The following COX7B2 variants were observed in gnomAD, a reference collection of about 807,000 sequenced individuals.
COX7B2 encodes cytochrome c oxidase subunit 7B2.
For missense variants in COX7B2, 109 were observed against 95.9 expected (o/e 1.14, Z -0.57); for synonymous variants, 37 against 32.1 (o/e 1.15, Z -0.51).
At chr4:46,802,856 A>T (rs1188826240) in intron 2 of COX7B2, among the ~76,000 whole-genome samples, 2 of 152,154 alleles carry the variant, frequency 1.3e-5, no homozygotes, top group African/African-American at 4.8e-5. Flanking sequence ...TCATGAGGTG[A>T]AAAACATAGT....
intron 2 of COX7B2, among the ~76,000 whole-genome samples, chr4:46,758,170 G>T (rs1409538101): frequency 2.6e-5 from 4 of 151,574 alleles, no homozygotes; most frequent in Non-Finnish European, 5.9e-5. Flanking sequence ...TTATAACATT[G>T]TTCTATAAAC....
chr4:46,850,401 C>G (rs1577655263), intron 1 of COX7B2, among the ~76,000 whole-genome samples: 1 of 151,990 alleles, frequency 6.6e-6, no homozygotes, highest in South Asian at 2.1e-4. Context: ...TTAGGACAAG[C>G]TGGTGAGCAT....
At chr4:46,815,004 G>A (rs551069563) in intron 2 of COX7B2, among the ~76,000 whole-genome samples, 10 of 151,984 alleles carry the variant, frequency 6.6e-5, no homozygotes, top group Admixed American at 1.3e-4. Flanking sequence ...AGGCCAACAC[G>A]GCGAAACCCC....
intron 1 of COX7B2, among the ~76,000 whole-genome samples, chr4:46,851,879 G>A (rs894828026): frequency 3.9e-5 from 6 of 152,024 alleles, no homozygotes; most frequent in Non-Finnish European, 8.8e-5. Flanking sequence ...TTATCAATGT[G>A]TCTTATTCCA....
intron 1 of COX7B2, among the ~76,000 whole-genome samples, chr4:46,897,461 T>C (rs777541139): frequency 6.6e-6 from 1 of 152,230 alleles, no homozygotes; most frequent in African/African-American, 2.4e-5. Context: ...CTGAGTCACC[T>C]TTCCTTTACT....
At chr4:46,894,316 A>G (rs1201915827) in intron 1 of COX7B2, among the ~76,000 whole-genome samples, 1 of 152,038 alleles carries the variant, frequency 6.6e-6, no homozygotes, top group Non-Finnish European at 1.5e-5. Context: ...AACAGAATAG[A>G]CAGCCCAGAA....
At chr4:46,855,906 A>G (rs1716983798) in intron 1 of COX7B2, among the ~76,000 whole-genome samples, 1 of 152,192 alleles carries the variant, frequency 6.6e-6, no homozygotes, top group Non-Finnish European at 1.5e-5. Context: ...AAACACTGAA[A>G]TAAGTCTGGT....
intron 2 of COX7B2, among the ~76,000 whole-genome samples, chr4:46,836,020 C>T (rs1345402302): frequency 6.6e-6 from 1 of 152,026 alleles, no homozygotes. Context: ...AAATGGTACA[C>T]CTTTATAGGG....
At chr4:46,838,733 C>T (rs1479067259) in intron 2 of COX7B2, among the ~76,000 whole-genome samples, 1 of 152,052 alleles carries the variant, frequency 6.6e-6, no homozygotes, top group Non-Finnish European at 1.5e-5. Flanking sequence ...TTTCACTTGT[C>T]TTCTGGGAAA....
intron 2 of COX7B2, among the ~76,000 whole-genome samples, chr4:46,756,826 C>T (rs1223272736): frequency 1.3e-5 from 2 of 152,100 alleles, no homozygotes; most frequent in Non-Finnish European, 2.9e-5. Context: ...AACACCTACA[C>T]ACTGTTGGTG....
chr4:46,754,248 A>G (rs1336402800), intron 2 of COX7B2, among the ~76,000 whole-genome samples: 1 of 151,860 alleles, frequency 6.6e-6, no homozygotes, highest in Non-Finnish European at 1.5e-5. Flanking sequence ...ATGCTGCTAT[A>G]AAGACACATG....
intron 2 of COX7B2, among the ~76,000 whole-genome samples, chr4:46,787,213 C>T (rs1003906549): frequency 6.6e-6 from 1 of 152,088 alleles, no homozygotes; most frequent in Non-Finnish European, 1.5e-5. Flanking sequence ...TTTGGGAAGT[C>T]GAGGCGGGCA....
At chr4:46,743,314 G>A (rs1714821975) in intron 2 of COX7B2, among the ~76,000 whole-genome samples, 1 of 152,138 alleles carries the variant, frequency 6.6e-6, no homozygotes, top group African/African-American at 2.4e-5. Context: ...CTTCAGCTTT[G>A]CAGGGCAAGA....
chr4:46,805,207 C>G (rs1345978553), intron 2 of COX7B2, among the ~76,000 whole-genome samples: 1 of 152,202 alleles, frequency 6.6e-6, no homozygotes, highest in Non-Finnish European at 1.5e-5. Context: ...GGAGCCGGCT[C>G]TGGCCTTGGC....
At chr4:46,848,804 C>G in intron 1 of COX7B2, among the ~76,000 whole-genome samples, 1 of 151,872 alleles carries the variant, frequency 6.6e-6, no homozygotes, top group East Asian at 1.9e-4. Flanking sequence ...TTTATATATG[C>G]TCAATCGTCC....
chr4:46,818,224 A>T (rs1719652323), intron 2 of COX7B2, among the ~76,000 whole-genome samples: 1 of 152,186 alleles, frequency 6.6e-6, no homozygotes, highest in Non-Finnish European at 1.5e-5. Context: ...TGTCTTACTA[A>T]TCTTTTGCAC....
At chr4:46,845,627 T>C (rs187836119) in intron 1 of COX7B2, among the ~76,000 whole-genome samples, 70 of 151,958 alleles carry the variant, frequency 4.6e-4, no homozygotes, top group African/African-American at 1.6e-3. Flanking sequence ...AAAGCAGATA[T>C]TAATAGTTCT....
At chr4:46,878,365 C>A (rs942169102) in intron 1 of COX7B2, among the ~76,000 whole-genome samples, 2 of 150,846 alleles carry the variant, frequency 1.3e-5, no homozygotes, top group African/African-American at 4.9e-5. Context: ...CTAATGTATA[C>A]TAAAAGTTTT....
rs1714257005 is a variant in COX7B2, at chr4:46,734,852, ATTT to A, written c.*92_*94del. The stretch of plus-strand genomic sequence containing the variant: ...TTTTTAAAGATTTAAAACACATTTT[ATTT>A]TTTCAATTGTGCTATATTTTAATAA... On this transcript the variant is annotated 3_prime_UTR_variant, in exon 3 of 3. Coordinates refer to ENST00000355591, the MANE Select transcript of COX7B2 (RefSeq NM_130902.3). The A allele has an allele frequency of 7.1e-7, 1 of 1,408,910 alleles. No homozygotes were observed. The highest frequency in any genetic ancestry group is 9.8e-7 in the Non-Finnish European group (1 of 1,017,480). The allele number at this position is 1,408,910 out of a possible 1,614,324, so 87.3% of individuals were successfully genotyped here.
Sources: gnomAD v4.1 joint callset for allele counts (sites outside exome capture counted in the v4.1 genomes callset) on GRCh38, gnomAD v4.1.1 for gene constraint, MANE v1.5 for transcripts, NCBI Gene and HGNC (gene_info 2026-07-23, HGNC 2026-07-21) for gene names.